The following DAAM1 variants were observed in gnomAD, a reference collection of about 807,000 sequenced individuals.
DAAM1 encodes dishevelled associated activator of morphogenesis 1.
Under a neutral mutation model 130.0 loss-of-function variants are expected in DAAM1, and 52 were observed. The ratio of observed to expected loss-of-function variants is 0.40; its 90% CI spans 0.32 to 0.50. DAAM1 has a LOEUF of 0.50. Ranked by LOEUF, DAAM1 falls within the 20% of genes least tolerant of loss-of-function variation. DAAM1 has a pLI of 0.61. For missense variants in DAAM1, 1,134 were observed against 1,303.8 expected (o/e 0.87, Z 2.01); for synonymous variants, 452 against 444.5 (o/e 1.02, Z -0.21).
At chr14:59,286,815 A>G (rs1883479252) in intron 2 of DAAM1, among the ~76,000 whole-genome samples, 1 of 152,174 alleles carries the variant, frequency 6.6e-6, no homozygotes, top group Non-Finnish European at 1.5e-5. Context: ...ACCAGAAAAA[A>G]GCCCTGGACT....
At chr14:59,272,251 A>AATC (rs757482895) in intron 2 of DAAM1, among the ~76,000 whole-genome samples, 1 of 152,208 alleles carries the variant, frequency 6.6e-6, no homozygotes, top group Non-Finnish European at 1.5e-5. Context: ...TAAAGGAAAC[A>AATC]ATCAGTTGAC....
intron 1 of DAAM1, among the ~76,000 whole-genome samples, chr14:59,233,546 A>G (rs527873258): frequency 2.0e-5 from 3 of 152,154 alleles, no homozygotes; most frequent in Non-Finnish European, 2.9e-5. Context: ...ACCTTTGTCA[A>G]ATGGGTAGAT....
chr14:59,359,602 T>C, intron 21 of DAAM1, 98 bp downstream of exon 21: 2 of 807,334 alleles, frequency 2.5e-6, no homozygotes, highest in South Asian at 3.5e-5. Context: ...CTTCTATTTG[T>C]TTTCCCCTGA....
intron 1 of DAAM1, among the ~76,000 whole-genome samples, chr14:59,252,797 C>T (rs1881706397): frequency 6.6e-6 from 1 of 152,214 alleles, no homozygotes; most frequent in South Asian, 2.1e-4. Context: ...TTGAGTACTT[C>T]AGGGTGCTAG....
chr14:59,235,220 ACC>A (rs1889255078), intron 1 of DAAM1, among the ~76,000 whole-genome samples: 1 of 152,174 alleles, frequency 6.6e-6, no homozygotes, highest in South Asian at 2.1e-4. Flanking sequence ...AAGGAATGGC[ACC>A]ACCTCATCTT....
chr14:59,255,292 C>G (rs1594782473), intron 1 of DAAM1, among the ~76,000 whole-genome samples: 1 of 152,160 alleles, frequency 6.6e-6, no homozygotes, highest in Admixed American at 6.5e-5. Context: ...GAGAAACGCC[C>G]TTTCCGTTTC....
chr14:59,241,152 C>A (rs940074360), intron 1 of DAAM1, among the ~76,000 whole-genome samples: 1 of 152,184 alleles, frequency 6.6e-6, no homozygotes, highest in Non-Finnish European at 1.5e-5. Context: ...TTCCTGAAAT[C>A]ATATACTGCA....
At chr14:59,222,980 A>C (rs909674001) in intron 1 of DAAM1, among the ~76,000 whole-genome samples, 2 of 152,248 alleles carry the variant, frequency 1.3e-5, no homozygotes, top group Admixed American at 6.5e-5. Flanking sequence ...TGAGGATGTC[A>C]CAGGGAACGG....
At chr14:59,283,683 C>T (rs185780888) in intron 2 of DAAM1, among the ~76,000 whole-genome samples, 2 of 152,128 alleles carry the variant, frequency 1.3e-5, no homozygotes, top group African/African-American at 4.8e-5. Flanking sequence ...TGATGTACCT[C>T]TCCTGGAGAT....
rs1886375458 is a variant in DAAM1, at chr14:59,353,887, A to G, written c.2279A>G (p.Tyr760Cys). The change falls in exon 19 of 25, where the codon TAT (tyrosine) becomes TGT (cysteine). Residue 760 changes from tyrosine to cysteine, a missense_variant. This residue lies in a region of DAAM1 where 644 missense variants were observed against 695.9 expected (regional missense o/e 0.93). Coordinates refer to ENST00000360909, the MANE Select transcript of DAAM1 (RefSeq NM_001270520.2). ...GTTTGCTCTTACAGAATTAATCACT[A>G]TCAGCAAAGGTTGCAATCGCTGTAC... ...FLFEMSRINH[Y>C]QQRLQSLYFK... 1.2e-6 allele frequency: 2 copies of G among 1,614,066 alleles called. No homozygotes were observed. The highest frequency in any genetic ancestry group is 1.7e-6 in the Non-Finnish European group (2 of 1,179,948).
rs111503862 is a variant in DAAM1 at position 59,293,326 on chromosome 14, AC to A, written c.273+2023del. ...CTGCCCCTTAGATTAGAAAAGGCAAACCCTGGAGAATAGTAATGACCTCGGG... is the reference window on the plus strand; with the variant it reads ...CTGCCCCTTAGATTAGAAAAGGCAAACCTGGAGAATAGTAATGACCTCGGG... On this transcript the variant is annotated intron_variant, in intron 3 of 24. Coordinates refer to ENST00000360909, the MANE Select transcript of DAAM1 (RefSeq NM_001270520.2). 1.4e-3 allele frequency among the ~76,000 whole-genome samples: 218 copies of A among 152,250 alleles called. 1 individual carries two copies. Among genetic ancestry groups the A allele is most frequent in the African/African-American group, 5.0e-3 (207 of 41,532 alleles).
intron 22 of DAAM1, 197 bp from the exon 23 acceptor site, chr14:59,363,454 G>C: frequency 1.7e-6 from 1 of 594,366 alleles, no homozygotes; most frequent in Non-Finnish European, 2.8e-6. Context: ...GCAAATATGC[G>C]TGTGCACATG....
chr14:59,292,412 T>A (rs1238960171), intron 3 of DAAM1, among the ~76,000 whole-genome samples: 1 of 152,206 alleles, frequency 6.6e-6, no homozygotes, highest in African/African-American at 2.4e-5. Flanking sequence ...CTATCTTGTG[T>A]AATTGCCCTG....
At chr14:59,327,860 A>G (rs1213332642) in intron 12 of DAAM1, among the ~76,000 whole-genome samples, 1 of 152,174 alleles carries the variant, frequency 6.6e-6, no homozygotes, top group Non-Finnish European at 1.5e-5. Flanking sequence ...TATGTCTTTG[A>G]TATTATCTCT....
intron 1 of DAAM1, among the ~76,000 whole-genome samples, chr14:59,210,753 A>G (rs1448813935): frequency 6.6e-6 from 1 of 152,236 alleles, no homozygotes; most frequent in Non-Finnish European, 1.5e-5. Flanking sequence ...ACTGCTACAA[A>G]GAAGGCTTTT....
intron 1 of DAAM1, among the ~76,000 whole-genome samples, chr14:59,219,862 G>A (rs1246244943): frequency 6.6e-6 from 1 of 152,028 alleles, no homozygotes; most frequent in Non-Finnish European, 1.5e-5. Flanking sequence ...GAGGACTTTG[G>A]TGCCACTTCT....
rs959129786 is a variant in DAAM1, at chr14:59,352,442, G to C, written c.2161-84G>C. On this transcript the variant is annotated intron_variant, in intron 17 of 24. Transcript: ENST00000360909. The stretch of plus-strand genomic sequence containing the variant: ...CAACAAGAGTTAACATTTTATCTTG[G>C]GACAGATTAACTGAAAGGGTGAAAA... 3 of 996,870 alleles carry C rather than the reference G, an allele frequency of 3.0e-6. No homozygotes were observed. The Admixed American group carries it at 6.5e-5, about 22-fold the overall frequency. The allele number at this position is 996,870 out of a possible 1,614,324, so 61.8% of individuals were successfully genotyped here. A position where few individuals can be genotyped will look rare whatever the true frequency, so the allele number is the denominator to read the frequency against.
At chr14:59,271,983 G>A (rs1347466501) in intron 2 of DAAM1, among the ~76,000 whole-genome samples, 1 of 152,096 alleles carries the variant, frequency 6.6e-6, no homozygotes, top group African/African-American at 2.4e-5. Flanking sequence ...AAAAAAACTG[G>A]TTGTAAAGAG....
intron 1 of DAAM1, among the ~76,000 whole-genome samples, chr14:59,190,592 C>T (rs928451928): frequency 2.6e-5 from 4 of 152,144 alleles, no homozygotes; most frequent in African/African-American, 9.7e-5. Flanking sequence ...GGGCGCAGGT[C>T]CTTGAGGGTG....
Sources: gnomAD v4.1 joint callset for allele counts (sites outside exome capture counted in the v4.1 genomes callset) on GRCh38, gnomAD v4.1.1 for gene constraint, gnomAD v4.1.1 regional missense constraint, MANE v1.5 for transcripts, NCBI Gene and HGNC (gene_info 2026-07-23, HGNC 2026-07-21) for gene names.